The following RGS11 variants were observed in gnomAD, a reference collection of about 807,000 sequenced individuals.
RGS11 encodes regulator of G protein signaling 11.
RGS11 carries 86 observed loss-of-function variants against 71.1 expected under a neutral mutation model. That is an observed-to-expected ratio of 1.21 (90% CI 1.02 to 1.45). RGS11 has a LOEUF of 1.45. Ranked by LOEUF, RGS11 falls within the 40% of genes most tolerant of loss-of-function variation. The pLI is 0.00. For missense variants in RGS11, 734 were observed against 635.1 expected, an observed-to-expected ratio of 1.16 and a Z score of -1.67; for synonymous variants, 298 against 254.2, an observed-to-expected ratio of 1.17 and a Z score of -1.64.
At chr16:275,145 G>A in intron 3 of RGS11, 63 bp from the exon 4 acceptor site, 1 of 1,521,428 alleles carries the variant, frequency 6.6e-7, no homozygotes, top group Non-Finnish European at 8.8e-7. Context: ...GACGAGCCGG[G>A]CCTCCTCTCC....
chr16:271,955 G>T, intron 9 of RGS11: 2 of 304,062 alleles, frequency 6.6e-6, no homozygotes, highest in South Asian at 7.1e-5. Flanking sequence ...TCCTGCCTCA[G>T]CCTCTCCAGT....
chr16:268,782 A>G lies in RGS11; in HGVS notation c.*487T>C. 2.6e-6 allele frequency: 4 copies of G among 1,550,036 alleles called. No individual in the cohort carries two copies. The highest frequency in any genetic ancestry group is 3.5e-6 in the Non-Finnish European group (4 of 1,146,966). ...CTCTTGGGTCCTCTTCCAGGCTCAC[A>G]CTGGGCGACAGCGGAGAGGCTCTTG... On this transcript the variant is annotated 3_prime_UTR_variant, in exon 17 of 17. Coordinates refer to ENST00000397770, the MANE Select transcript of RGS11 (RefSeq NM_183337.3).
intron 1 of RGS11, 154 bp downstream of exon 1, chr16:275,695 A>AG (rs201791993): frequency 1 from 547,806 of 547,856 alleles, 273,878 homozygotes; most frequent in Middle Eastern, 1. Context: ...GAGACCCCCA[A>AG]GGGCCCCAGG....
At chr16:271,980 G>A in intron 9 of RGS11, 1 of 295,260 alleles carries the variant, frequency 3.4e-6, no homozygotes, top group Non-Finnish European at 6.2e-6. Context: ...GGGACTACAG[G>A]CATGCGCCAC....
In RGS11 at chr16:269,741, C is replaced by T. The variant is rs1334042512; in HGVS notation, c.1207-156G>A. The stretch of plus-strand genomic sequence containing the variant: ...GGCAGCCGCCTCGGACCTGCCCAGA[C>T]CAAGGCAGACGCAGGGAGACCTGGG... On this transcript the variant is annotated intron_variant, in intron 15 of 16. Transcript: ENST00000397770. 6.6e-6 allele frequency: 4 copies of T among 609,114 alleles called. No homozygotes were observed. The Admixed American group carries it at 1.2e-4, about 19-fold the overall frequency. 37.7% of individuals were successfully genotyped at this position (609,114 alleles called of 1,614,324 possible).
chr16:269,232 A>T lies in RGS11; in HGVS notation c.*37T>A. 1 of 1,401,684 alleles carries T rather than the reference A, an allele frequency of 7.1e-7. No homozygotes were observed. The highest frequency in any genetic ancestry group is 9.9e-7 in the Non-Finnish European group (1 of 1,011,754). The allele number at this position is 1,401,684 out of a possible 1,614,324, so 86.8% of individuals were successfully genotyped here. On this transcript the variant is annotated 3_prime_UTR_variant, in exon 17 of 17. Transcript: ENST00000397770. The stretch of plus-strand genomic sequence containing the variant: ...GCTGCTGCATTCACGCAGGACGTTG[A>T]GCTGCAGGGACTAGAGTGGCAGATG...
chr16:272,551 C>T, intron 9 of RGS11: 9 of 1,441,078 alleles, frequency 6.2e-6, no homozygotes, highest in Non-Finnish European at 8.3e-6. Context: ...CCCTGCTTGT[C>T]ACCCCTCCAA....
rs1298471119 is a variant in RGS11 at position 273,500 on chromosome 16, G to A, written c.563C>T (p.Thr188Ile). The A allele has an allele frequency of 6.4e-7, 1 of 1,554,732 alleles. No individual in the cohort carries two copies. The highest frequency in any genetic ancestry group is 1.4e-5 in the African/African-American group (1 of 73,628). Reference protein sequence around the residue: ...DRLVIACQEQTYWLVNRPPPG... With the variant: ...DRLVIACQEQIYWLVNRPPPG... ...CGGGGGCCTGTTCACCAGCCAGTAG[G>A]TCTGCTCCTGGCACGCAATGACCAG... The change falls in exon 8 of 17, where the codon ACC becomes ATC. Residue 188 changes from threonine (T) to isoleucine (I), a missense_variant. Transcript: ENST00000397770.
chr16:273,717 G>A, intron 7 of RGS11, 43 bp downstream of exon 7: 2 of 1,592,178 alleles, frequency 1.3e-6, no homozygotes, highest in African/African-American at 1.3e-5. Flanking sequence ...GGGTAGCCTG[G>A]GTTGGGCGCC....
chr16:269,785 A>G (rs1215058826), intron 15 of RGS11, 200 bp from the exon 16 acceptor site: 3 of 549,792 alleles, frequency 5.5e-6, no homozygotes, highest in African/African-American at 1.9e-5. Flanking sequence ...TGCCTGGGCC[A>G]TGTCGCAGCA....
chr16:271,121 TG>T, intron 12 of RGS11, 22 bp from the exon 13 acceptor site: 1 of 1,602,198 alleles, frequency 6.2e-7, no homozygotes, highest in Non-Finnish European at 8.5e-7. Context: ...GCAGGGCTGT[TG>T]GGGAGGGTGG....
chr16:274,048 C>A lies in RGS11; in HGVS notation c.424G>T (p.Glu142Ter), dbSNP rs1454797577. Reference sequence around the variant, plus strand: ...GGAAGGGTGGGGGGTCCCACCTTCTCATAATCCACCAGGGTCCCCCGTTTT... The same window carrying A: ...GGAAGGGTGGGGGGTCCCACCTTCTAATAATCCACCAGGGTCCCCCGTTTT... ...IRKRGTLVDY[E>*]KDCYDRLHKK... Residue 142 changes from glutamate to a stop codon, truncating the protein, a stop_gained, in exon 6 of 17, where the codon GAG (glutamate) becomes TAG (stop). Coordinates refer to ENST00000397770, the MANE Select transcript of RGS11 (RefSeq NM_183337.3). LOFTEE classifies it high-confidence loss of function. The A allele has an allele frequency of 1.9e-6, 3 of 1,550,484 alleles. No individual in the cohort carries two copies. The highest frequency in any genetic ancestry group is 4.9e-5 in the East Asian group (2 of 40,922).
In RGS11 at chr16:269,313, G is replaced by A. The variant is rs1198479597; in HGVS notation, c.1360C>T (p.Pro454Ser). 6.3e-7 allele frequency: 1 copy of A among 1,595,894 alleles called. No individual in the cohort carries two copies. Among genetic ancestry groups the A allele is most frequent in the Non-Finnish European group, 8.5e-7 (1 of 1,172,696 alleles). The change falls in exon 17 of 17, where the codon CCC (proline) becomes TCC (serine). Residue 454 changes from proline to serine, a missense_variant. Pro to Ser is a moderately conservative substitution (Grantham distance 74). Coordinates refer to ENST00000397770, the MANE Select transcript of RGS11 (RefSeq NM_183337.3). Reference protein sequence around the residue: ...SPALLPTPVEPTAACGPGGGD... With the variant: ...SPALLPTPVESTAACGPGGGD... ...CCCCCAGGGCCACAAGCCGCTGTGG[G>A]CTCCACAGGGGTGGGAAGGAGTGCA...
chr16:273,726 C>T, intron 7 of RGS11, 34 bp downstream of exon 7: 1 of 1,601,992 alleles, frequency 6.2e-7, no homozygotes, highest in East Asian at 2.2e-5. Context: ...GGGTTGGGCG[C>T]CTGCAGGCGG....
In RGS11 at chr16:268,692, T is replaced by C. The variant is rs2051781826; in HGVS notation, c.*577A>G. The C allele has an allele frequency of 1.4e-6, 2 of 1,426,076 alleles. No homozygotes were observed. Among genetic ancestry groups the C allele is most frequent in the Non-Finnish European group, 1.9e-6 (2 of 1,048,694 alleles). The allele number at this position is 1,426,076 out of a possible 1,614,324, so 88.3% of individuals were successfully genotyped here. On this transcript the variant is annotated 3_prime_UTR_variant, in exon 17 of 17. Coordinates refer to ENST00000397770, the MANE Select transcript of RGS11 (RefSeq NM_183337.3). Reference sequence around the variant, plus strand: ...CTGTGGACAAATTCTGGAACGCGTTTGGCGAGGGAGGAATAGGCGCAGCTC... The same window carrying C: ...CTGTGGACAAATTCTGGAACGCGTTCGGCGAGGGAGGAATAGGCGCAGCTC...
Position 268,583 on chromosome 16 carries a change from G to C in RGS11, c.*686C>G, listed in dbSNP as rs1033429479. 1.6e-6 allele frequency: 1 copy of C among 618,276 alleles called. No homozygotes were observed. Among genetic ancestry groups the C allele is most frequent in the Admixed American group, 2.7e-5 (1 of 36,948 alleles). The allele number at this position is 618,276 out of a possible 1,614,324, so 38.3% of individuals were successfully genotyped here. A position where few individuals can be genotyped will look rare whatever the true frequency, so the allele number is the denominator to read the frequency against. ...GATCCACCCTATGGAATCGGGCCTC[G>C]TCAGTGGGGTGACAATGTCAGAGTT... On this transcript the variant is annotated 3_prime_UTR_variant, in exon 17 of 17. Transcript: ENST00000397770.
chr16:274,837 A>G (rs7204164), intron 4 of RGS11, 139 bp downstream of exon 4: 20,969 of 1,200,058 alleles, frequency 0.017, 736 homozygotes, highest in South Asian at 0.12. Context: ...GGGGCGATGG[A>G]CCACCAGCCC....
chr16:268,564 C>CG lies in RGS11; in HGVS notation c.*704_*705insC. The CG allele has an allele frequency of 1.7e-6, 1 of 604,286 alleles. No individual in the cohort carries two copies. 37.4% of individuals were successfully genotyped at this position (604,286 alleles called of 1,614,324 possible). A position where few individuals can be genotyped will look rare whatever the true frequency, so the allele number is the denominator to read the frequency against. On this transcript the variant is annotated 3_prime_UTR_variant, in exon 17 of 17. Transcript: ENST00000397770. ...ATCAGGGACGCCTGGCAAGGATCCA[C>CG]CCTATGGAATCGGGCCTCGTCAGTG...
chr16:270,370 C>T (rs969952066), intron 15 of RGS11, among the ~76,000 whole-genome samples, 153 bp downstream of exon 15: 5 of 152,212 alleles, frequency 3.3e-5, no homozygotes, highest in African/African-American at 4.8e-5. Flanking sequence ...GACAGGAGAG[C>T]GGCCAGGGCG....
Sources: gnomAD v4.1 joint callset for allele counts (sites outside exome capture counted in the v4.1 genomes callset) on GRCh38, gnomAD v4.1.1 for gene constraint, MANE v1.5 for transcripts, NCBI Gene and HGNC (gene_info 2026-07-23, HGNC 2026-07-21) for gene names.